Variants in TFPI observed in about 807,000 individuals in gnomAD.
TFPI encodes the protein tissue factor pathway inhibitor.
A neutral mutation model predicts 34.6 loss-of-function variants in TFPI; 15 were observed. The observed-to-expected ratio is 0.43, with a 90% CI of 0.29 to 0.67. TFPI has a LOEUF of 0.67. Ranked by LOEUF, TFPI falls within the 30% of genes least tolerant of loss-of-function variation. The pLI is 0.15. For synonymous variants in TFPI, 105 were observed against 120.1 expected, an observed-to-expected ratio of 0.87 and a Z score of 0.82; for missense variants, 301 against 364.0, an observed-to-expected ratio of 0.83 and a Z score of 1.41.
intron 1 of TFPI, among the ~76,000 whole-genome samples, chr2:187,550,122 C>T (rs1331882630): frequency 2.6e-5 from 4 of 151,934 alleles, no homozygotes; most frequent in East Asian, 1.9e-4. Flanking sequence ...TATATAGTAC[C>T]GAACGTCAGA....
At chr2:187,505,652 T>G (rs562584943) in intron 1 of TFPI, among the ~76,000 whole-genome samples, 6 of 152,286 alleles carry the variant, frequency 3.9e-5, no homozygotes, top group African/African-American at 1.4e-4. Flanking sequence ...CTACTTCTCT[T>G]TATGGTCCAG....
At chr2:187,482,314 A>G (rs1035302227) in intron 6 of TFPI, among the ~76,000 whole-genome samples, 2 of 152,118 alleles carry the variant, frequency 1.3e-5, no homozygotes, top group Admixed American at 1.3e-4. Flanking sequence ...TTTCTTTTAC[A>G]GCAGTAAGAT....
intron 1 of TFPI, chr2:187,547,614 C>T (rs2106327582): frequency 6.6e-6 from 1 of 152,100 alleles, no homozygotes; most frequent in East Asian, 1.9e-4. Context: ...GTCATGATCC[C>T]CCAGGAGCCA....
At chr2:187,512,843 T>A (rs1248249518) in intron 1 of TFPI, among the ~76,000 whole-genome samples, 1 of 152,118 alleles carries the variant, frequency 6.6e-6, no homozygotes, top group Admixed American at 6.5e-5. Flanking sequence ...ATAAATTAAC[T>A]GGTTGTTTAA....
At position 187,470,083 on chromosome 2, in the gene TFPI, C is replaced by T. The variant is rs78668801; in HGVS notation, c.629-2151G>A. Among the ~76,000 whole-genome samples, 56 of 152,208 alleles carry T rather than the reference C, an allele frequency of 3.7e-4. No homozygotes were observed. In the East Asian group the frequency reaches 0.01, roughly 28 times the overall value. The stretch of plus-strand genomic sequence containing the variant: ...AACAGAGAAAACAGGAAATTACTAT[C>T]GCTTTTTTTCCTGTTTAAACACCCA... On this transcript the variant is annotated intron_variant, in intron 6 of 7. Transcript: ENST00000233156.
In TFPI at chr2:187,541,183, T is replaced by C. The variant is rs553364450; in HGVS notation, c.-3+13017A>G. Among the ~76,000 whole-genome samples, 3 of 152,266 alleles carry C rather than the reference T, an allele frequency of 2.0e-5. No individual in the cohort carries two copies. In the South Asian group the frequency reaches 6.2e-4, roughly 32 times the overall value. On this transcript the variant is annotated intron_variant, in intron 1 of 7. Coordinates refer to ENST00000233156, the MANE Select transcript of TFPI (RefSeq NM_006287.6). ...TACTTGAAAGTTTTCACAGAGCAAT[T>C]TGAAATATATTCTGGAATATCAGAA...
At chr2:187,538,948 A>C (rs1465865869) in intron 1 of TFPI, among the ~76,000 whole-genome samples, 1 of 152,170 alleles carries the variant, frequency 6.6e-6, no homozygotes, top group African/African-American at 2.4e-5. Context: ...CAGGAGAAGA[A>C]TTATTGGGTC....
chr2:187,523,486 A>G (rs1687517122), intron 1 of TFPI, among the ~76,000 whole-genome samples: 1 of 152,050 alleles, frequency 6.6e-6, no homozygotes, highest in South Asian at 2.1e-4. Context: ...CTCCACCCCC[A>G]AACTCCTTCA....
intron 4 of TFPI, among the ~76,000 whole-genome samples, chr2:187,486,285 C>T (rs149858142): frequency 6.6e-6 from 1 of 151,542 alleles, no homozygotes; most frequent in African/African-American, 2.4e-5. Context: ...GAATTACTAT[C>T]ATATGATTTG....
intron 6 of TFPI, among the ~76,000 whole-genome samples, chr2:187,470,214 G>A (rs139951160): frequency 6.6e-5 from 10 of 152,250 alleles, no homozygotes; most frequent in Non-Finnish European, 1.5e-4. Flanking sequence ...GTAAGTTGCA[G>A]ATAATATGTG....
rs920377273 is a variant in TFPI, at chr2:187,491,200, C to A, written c.320-2825G>T. Among the ~76,000 whole-genome samples the A allele has an allele frequency of 4.6e-5, 7 of 151,532 alleles. No individual in the cohort carries two copies. In the East Asian group the frequency reaches 1.2e-3, roughly 25 times the overall value. On this transcript the variant is annotated intron_variant, in intron 3 of 7. Coordinates refer to ENST00000233156, the MANE Select transcript of TFPI (RefSeq NM_006287.6). ...GTTTTTTCTTTTTAAAAATTTATTTCTTTTTTATTTTCATAGATTTAGGGG... is the reference window on the plus strand; with the variant it reads ...GTTTTTTCTTTTTAAAAATTTATTTATTTTTTATTTTCATAGATTTAGGGG...
At chr2:187,542,655 G>T (rs1473100988) in intron 1 of TFPI, among the ~76,000 whole-genome samples, 1 of 152,102 alleles carries the variant, frequency 6.6e-6, no homozygotes, top group African/African-American at 2.4e-5. Flanking sequence ...TGGTCACGAA[G>T]TCAGGAGTTT....
intron 1 of TFPI, among the ~76,000 whole-genome samples, chr2:187,543,152 T>C (rs563074065): frequency 6.6e-6 from 1 of 152,356 alleles, no homozygotes; most frequent in African/African-American, 2.4e-5. Context: ...GAAATGTAGA[T>C]AATACTTCAA....
At chr2:187,484,077 G>A (rs1162425716) in intron 6 of TFPI, 47 bp downstream of exon 6, 3 of 1,475,974 alleles carry the variant, frequency 2.0e-6, no homozygotes, top group East Asian at 2.3e-5. Flanking sequence ...TTCATTGTTA[G>A]CATGATAATA....
intron 1 of TFPI, among the ~76,000 whole-genome samples, chr2:187,523,784 A>T (rs917584874): frequency 6.6e-6 from 1 of 151,970 alleles, no homozygotes; most frequent in African/African-American, 2.4e-5. Context: ...TTTTTACTGT[A>T]TCTATAGTTT....
At chr2:187,485,549 T>C (rs1693200267) in intron 4 of TFPI, among the ~76,000 whole-genome samples, 1 of 151,766 alleles carries the variant, frequency 6.6e-6, no homozygotes, top group Non-Finnish European at 1.5e-5. Flanking sequence ...CATCCTTTAC[T>C]GCTGTGTCAT....
rs926309459 is a variant in TFPI, at chr2:187,494,745, A to G, written c.319+2136T>C. On this transcript the variant is annotated intron_variant, in intron 3 of 7. Transcript: ENST00000233156. ...TGCAAGTGACTTTTCTTTTTTTTTC[A>G]TGGAGTCTTCCTCTGTTGCACAGCT... 2.0e-5 allele frequency among the ~76,000 whole-genome samples: 3 copies of G among 151,774 alleles called. No homozygotes were observed. In the East Asian group the frequency reaches 5.8e-4, roughly 29 times the overall value.
chr2:187,496,545 A>G (rs1276195330), intron 3 of TFPI, among the ~76,000 whole-genome samples: 1 of 152,116 alleles, frequency 6.6e-6, no homozygotes, highest in African/African-American at 2.4e-5. Context: ...ATGGGGCCTC[A>G]TATTTTATAA....
At chr2:187,504,654 G>A (rs1276994069) in intron 1 of TFPI, among the ~76,000 whole-genome samples, 1 of 151,744 alleles carries the variant, frequency 6.6e-6, no homozygotes, top group Non-Finnish European at 1.5e-5. Context: ...GGAAGGAAAA[G>A]TGTAATGATC....
Sources: gnomAD v4.1 joint callset for allele counts (sites outside exome capture counted in the v4.1 genomes callset) on GRCh38, gnomAD v4.1.1 for gene constraint, MANE v1.5 for transcripts, NCBI Gene and HGNC (gene_info 2026-07-23, HGNC 2026-07-21) for gene names.